Variants in SRP9 observed in about 807,000 individuals in gnomAD.
SRP9 encodes the protein signal recognition particle 9, also known as signal recognition particle 9 kDa protein.
A neutral mutation model predicts 11.7 loss-of-function variants in SRP9; 2 were observed. That is an observed-to-expected ratio of 0.17 (90% CI 0.07 to 0.54). The LOEUF is 0.54. Ranked by LOEUF, SRP9 falls within the 20% of genes least tolerant of loss-of-function variation. The probability of loss-of-function intolerance (pLI) is 0.94; values close to 1 mark genes in which losing one functional copy is unlikely to be tolerated. For synonymous variants in SRP9, 27 were observed against 35.6 expected (o/e 0.76, Z 0.86); for missense variants, 54 against 108.1 (o/e 0.50, Z 2.22).
intron 2 of SRP9, among the ~76,000 whole-genome samples, chr1:225,787,388 C>T (rs1417660425): frequency 1.3e-5 from 2 of 151,950 alleles, no homozygotes; most frequent in Non-Finnish European, 2.9e-5. Context: ...CAAATATTAG[C>T]ATGGTGGTGG....
chr1:225,784,094 T>G (rs1289097714), intron 2 of SRP9, among the ~76,000 whole-genome samples: 1 of 152,030 alleles, frequency 6.6e-6, no homozygotes. Context: ...TTCATTTAAC[T>G]GAGTCTAATA....
At position 225,783,379 on chromosome 1, in the gene SRP9, A is replaced by G. The variant is rs745857043; in HGVS notation, c.141+11A>G. On this transcript the variant is annotated intron_variant, in intron 2 of 2. Coordinates refer to ENST00000304786, the MANE Select transcript of SRP9 (RefSeq NM_003133.6). ...ACAGATGATTTAGTTGTAAGTATAC[A>G]TTTTTATTTGTTACATACTTTCAGA... 10 of 1,587,362 alleles carry G rather than the reference A, an allele frequency of 6.3e-6. No homozygotes were observed. The Admixed American group carries it at 1.2e-4, about 19-fold the overall frequency.
intron 2 of SRP9, among the ~76,000 whole-genome samples, chr1:225,784,726 C>T (rs936723497): frequency 1.3e-5 from 2 of 151,668 alleles, no homozygotes; most frequent in African/African-American, 4.8e-5. Flanking sequence ...CCTGTAGTCC[C>T]AGCTACTCAG....
intron 1 of SRP9, among the ~76,000 whole-genome samples, chr1:225,780,178 ATTTTTTTTTT>A (rs67816765): frequency 0.23 from 30,005 of 130,166 alleles, 3,460 homozygotes; most frequent in South Asian, 0.37. Flanking sequence ...TGCCTGCCTA[ATTTTTTTTTT>A]TTTTTTTTTT....
chr1:225,778,022 T>A lies in SRP9; in HGVS notation c.72+10T>A. ...CGCTGACCCTATGAAGGTAAATCGC[T>A]GGCGGGGCCGCTGCTTTGGGCCCCA... On this transcript the variant is annotated intron_variant, in intron 1 of 2. Coordinates refer to ENST00000304786, the MANE Select transcript of SRP9 (RefSeq NM_003133.6). 6.2e-7 allele frequency: 1 copy of A among 1,614,166 alleles called. No individual in the cohort carries two copies. The highest frequency in any genetic ancestry group is 8.5e-7 in the Non-Finnish European group (1 of 1,180,010).
chr1:225,784,508 G>A (rs957832726), intron 2 of SRP9, among the ~76,000 whole-genome samples: 4 of 150,784 alleles, frequency 2.7e-5, no homozygotes, highest in African/African-American at 4.9e-5. Context: ...CTCGGCCTCC[G>A]AAAATGGTGG....
At chr1:225,781,245 T>C (rs1255927260) in intron 1 of SRP9, among the ~76,000 whole-genome samples, 1 of 150,584 alleles carries the variant, frequency 6.6e-6, no homozygotes, top group African/African-American at 2.4e-5. Context: ...TTTATAGGAC[T>C]TAATTCATTC....
chr1:225,780,247 C>T (rs1665767044), intron 1 of SRP9, among the ~76,000 whole-genome samples: 1 of 147,662 alleles, frequency 6.8e-6, no homozygotes, highest in African/African-American at 2.5e-5. Flanking sequence ...GGTCTTAAAT[C>T]CTTGCCTCAG....
At chr1:225,784,932 A>G (rs1220140636) in intron 2 of SRP9, among the ~76,000 whole-genome samples, 1 of 151,790 alleles carries the variant, frequency 6.6e-6, no homozygotes, top group Admixed American at 6.6e-5. Context: ...AAATCTGGGG[A>G]TTTTTTTTAA....
Position 225,789,501 on chromosome 1 carries a change from A to T in SRP9, c.*142A>T. 1.0e-6 allele frequency: 1 copy of T among 987,852 alleles called. No individual in the cohort carries two copies. The highest frequency in any genetic ancestry group is 1.4e-6 in the Non-Finnish European group (1 of 699,028). The allele number at this position is 987,852 out of a possible 1,614,324, so 61.2% of individuals were successfully genotyped here. On this transcript the variant is annotated 3_prime_UTR_variant, in exon 3 of 3. Transcript: ENST00000304786. ...GGTCATTTTTTGTAATTTTCTTTTTAATTACTTTAGAGAGCTAGGGATGCA... is the reference window on the plus strand; with the variant it reads ...GGTCATTTTTTGTAATTTTCTTTTTTATTACTTTAGAGAGCTAGGGATGCA...
intron 1 of SRP9, among the ~76,000 whole-genome samples, chr1:225,779,710 T>C (rs2102645890): frequency 6.6e-6 from 1 of 152,356 alleles, no homozygotes; most frequent in East Asian, 1.9e-4. Context: ...ATGATGGAAA[T>C]TGTATTTTTT....
intron 2 of SRP9, among the ~76,000 whole-genome samples, chr1:225,783,967 G>C (rs1665845932): frequency 6.6e-6 from 1 of 151,116 alleles, no homozygotes; most frequent in Non-Finnish European, 1.5e-5. Flanking sequence ...TTACTATTCT[G>C]TGTTTCTGTT....
rs1229735095 is a variant in SRP9, at chr1:225,781,619, CGAACTCCTGACCTCGTGAGT to C, written c.73-1671_73-1652del. ...TTCACCATGTTGGCCAGACTGGTCT[CGAACTCCTGACCTCGTGAGT>C]GAACTCCTGCCCTCCCAAAGTGCTG... On this transcript the variant is annotated intron_variant, in intron 1 of 2. Transcript: ENST00000304786. Among the ~76,000 whole-genome samples, 4 of 152,026 alleles carry C rather than the reference CGAACTCCTGACCTCGTGAGT, an allele frequency of 2.6e-5. No homozygotes were observed. In the South Asian group the frequency reaches 6.2e-4, roughly 24 times the overall value.
At chr1:225,780,756 C>G (rs1211105824) in intron 1 of SRP9, among the ~76,000 whole-genome samples, 1 of 152,172 alleles carries the variant, frequency 6.6e-6, no homozygotes, top group Non-Finnish European at 1.5e-5. Flanking sequence ...TCTGTCTTCT[C>G]TCCGCAACAC....
intron 1 of SRP9, 66 bp downstream of exon 1, chr1:225,778,078 CCCCTGGAGCTTCCCCAGCGCT>C: frequency 6.4e-7 from 1 of 1,568,858 alleles, no homozygotes; most frequent in Non-Finnish European, 8.7e-7. Flanking sequence ...ATCCACTCGG[CCCCTGGAGCTTCCCCAGCGCT>C]CCCAGGAGGT....
intron 2 of SRP9, chr1:225,786,859 TA>T: frequency 8.7e-7 from 1 of 1,146,614 alleles, no homozygotes; most frequent in Non-Finnish European, 1.2e-6. Flanking sequence ...TTTTTTTTTT[TA>T]GAGACAGTGT....
At chr1:225,787,403 C>T (rs1302449138) in intron 2 of SRP9, among the ~76,000 whole-genome samples, 1 of 151,958 alleles carries the variant, frequency 6.6e-6, no homozygotes, top group Non-Finnish European at 1.5e-5. Context: ...TGGTGGGTGC[C>T]TGTAATCTCA....
chr1:225,786,886 A>G (rs1173240243), intron 2 of SRP9: 6 of 1,145,140 alleles, frequency 5.2e-6, no homozygotes, highest in Non-Finnish European at 6.9e-6. Flanking sequence ...TCTATTGCTC[A>G]GGCTGCAGTG....
In SRP9 at chr1:225,783,281, A is replaced by G. The variant is rs997584569; in HGVS notation, c.73-19A>G. On this transcript the variant is annotated intron_variant, in intron 1 of 2. Coordinates refer to ENST00000304786, the MANE Select transcript of SRP9 (RefSeq NM_003133.6). ...TGTCATTTGTCTTCACTGTTTCTAA[A>G]TATGTATTTTTGTTTCAGGCACGTG... is the stretch of plus-strand genomic sequence containing the variant. 1.9e-6 allele frequency: 3 copies of G among 1,591,474 alleles called. No homozygotes were observed. Among genetic ancestry groups the G allele is most frequent in the African/African-American group, 1.3e-5 (1 of 74,344 alleles).
Sources: allele counts gnomAD v4.1 joint callset (sites outside exome capture counted in the v4.1 genomes callset), GRCh38; gene constraint gnomAD v4.1.1; transcripts MANE v1.5; gene names NCBI Gene and HGNC (gene_info 2026-07-23, HGNC 2026-07-21).